RGS7: variants seen among roughly 807,000 people sequenced by gnomAD.
RGS7 encodes regulator of G-protein signaling 7.
Under a neutral mutation model 81.1 loss-of-function variants are expected in RGS7, and 27 were observed. That is an observed-to-expected ratio of 0.33 (90% CI 0.25 to 0.46). The LOEUF is 0.46. Ranked by LOEUF, RGS7 falls within the 20% of genes least tolerant of loss-of-function variation. The pLI is 1.00. For missense variants in RGS7, 396 were observed against 607.4 expected (o/e 0.65, Z 3.66); for synonymous variants, 208 against 207.7 (o/e 1.00, Z -0.01).
intron 6 of RGS7, among the ~76,000 whole-genome samples, chr1:240,924,903 GA>G (rs979216988): frequency 2.8e-4 from 43 of 152,118 alleles, no homozygotes; most frequent in Admixed American, 1.1e-3. Flanking sequence ...TGCAGTATTT[GA>G]AAAAAATAAA....
At position 240,999,527 on chromosome 1, in the gene RGS7, A is replaced by G. The variant is rs552380525; in HGVS notation, c.176-16398T>C. Reference sequence around the variant, plus strand: ...CTAATCTATTAACTCTGTCATCTCAATCTTGACCACTATTGATATATATAT... The same window carrying G: ...CTAATCTATTAACTCTGTCATCTCAGTCTTGACCACTATTGATATATATAT... On this transcript the variant is annotated intron_variant, in intron 3 of 18. Coordinates refer to ENST00000440928, the MANE Select transcript of RGS7 (RefSeq NM_001364886.1). Among the ~76,000 whole-genome samples, 36 of 152,236 alleles carry G rather than the reference A, an allele frequency of 2.4e-4. 1 individual carries two copies. The South Asian group carries it at 5.6e-3, about 24-fold the overall frequency.
chr1:241,317,857 C>T (rs1280206682), intron 2 of RGS7, among the ~76,000 whole-genome samples: 1 of 152,228 alleles, frequency 6.6e-6, no homozygotes, highest in Non-Finnish European at 1.5e-5. Flanking sequence ...ATATCATCAT[C>T]TCCTTTGCCA....
chr1:240,911,670 A>G (rs1671770478), intron 6 of RGS7, among the ~76,000 whole-genome samples: 1 of 152,206 alleles, frequency 6.6e-6, no homozygotes, highest in Non-Finnish European at 1.5e-5. Context: ...ATCCAACTGA[A>G]AAACACTCAT....
chr1:241,311,109 C>A (rs2080500510), intron 2 of RGS7, among the ~76,000 whole-genome samples: 1 of 152,144 alleles, frequency 6.6e-6, no homozygotes, highest in Non-Finnish European at 1.5e-5. Context: ...TGAGATAAAA[C>A]TGAAACTATA....
chr1:240,789,853 G>A (rs1470454271), intron 18 of RGS7, among the ~76,000 whole-genome samples: 1 of 152,150 alleles, frequency 6.6e-6, no homozygotes, highest in Admixed American at 6.5e-5. Context: ...TGTGAAGCAT[G>A]TGATCTCTGT....
intron 10 of RGS7, among the ~76,000 whole-genome samples, chr1:240,819,576 T>C (rs1057502723): frequency 6.6e-6 from 1 of 151,936 alleles, no homozygotes; most frequent in African/African-American, 2.4e-5. Context: ...CCATCTCTAC[T>C]GAAAATACAA....
chr1:240,951,546 G>GAATC (rs1679560701), intron 4 of RGS7, among the ~76,000 whole-genome samples: 1 of 152,072 alleles, frequency 6.6e-6, no homozygotes, highest in Admixed American at 6.6e-5. Flanking sequence ...TCTAAGGAAA[G>GAATC]AATCAGTGAG....
At chr1:241,245,495 A>G (rs78030536) in intron 2 of RGS7, among the ~76,000 whole-genome samples, 2 of 151,408 alleles carry the variant, frequency 1.3e-5, no homozygotes, top group Non-Finnish European at 2.9e-5. Context: ...TTCCTTATAA[A>G]AAAAAAAAAA....
chr1:241,034,510 C>T (rs1382957930), intron 3 of RGS7, among the ~76,000 whole-genome samples: 2 of 152,158 alleles, frequency 1.3e-5, no homozygotes, highest in African/African-American at 2.4e-5. Context: ...GTTCCTGTAC[C>T]TGTAAATAAA....
chr1:241,316,655 G>A (rs2080896928), intron 2 of RGS7, among the ~76,000 whole-genome samples: 1 of 152,088 alleles, frequency 6.6e-6, no homozygotes, highest in African/African-American at 2.4e-5. Context: ...GGTGAAGACG[G>A]TTTACTAGTA....
chr1:240,812,060 A>G lies in RGS7; in HGVS notation c.957-17T>C. 6.2e-7 allele frequency: 1 copy of G among 1,614,108 alleles called. No homozygotes were observed. The highest frequency in any genetic ancestry group is 8.5e-7 in the Non-Finnish European group (1 of 1,179,986). Reference sequence around the variant, plus strand: ...GGTTCTTTGCTATAGAAGATAAAACAAAGGCAAATACATTCCTTTCATTAG... The same window carrying G: ...GGTTCTTTGCTATAGAAGATAAAACGAAGGCAAATACATTCCTTTCATTAG... On this transcript the variant is annotated splice_polypyrimidine_tract_variant and intron_variant, in intron 13 of 18. Transcript: ENST00000440928.
At chr1:240,878,422 G>T (rs908822603) in intron 6 of RGS7, among the ~76,000 whole-genome samples, 6 of 151,554 alleles carry the variant, frequency 4.0e-5, no homozygotes, top group African/African-American at 1.5e-4. Flanking sequence ...TAGTTGGGGA[G>T]TGAAAACATT....
At chr1:241,096,022 C>T (rs1035864980) in intron 3 of RGS7, among the ~76,000 whole-genome samples, 2 of 152,188 alleles carry the variant, frequency 1.3e-5, no homozygotes, top group Admixed American at 6.5e-5. Context: ...TCCTTCCTTC[C>T]GTGTGGAACA....
chr1:241,297,527 T>C (rs1436319988), intron 2 of RGS7, among the ~76,000 whole-genome samples: 1 of 152,160 alleles, frequency 6.6e-6, no homozygotes, highest in Non-Finnish European at 1.5e-5. Context: ...CAAATTTCAT[T>C]TCAGAAAGTT....
At chr1:241,022,337 T>C (rs1477172041) in intron 3 of RGS7, among the ~76,000 whole-genome samples, 2 of 152,186 alleles carry the variant, frequency 1.3e-5, no homozygotes, top group East Asian at 3.9e-4. Flanking sequence ...GAGTTTAACT[T>C]TGAAACATAA....
chr1:241,247,089 C>T (rs1209309814), intron 2 of RGS7, among the ~76,000 whole-genome samples: 1 of 152,004 alleles, frequency 6.6e-6, no homozygotes, highest in South Asian at 2.1e-4. Context: ...GGAATATGTT[C>T]TCATTTTATC....
chr1:240,916,493 C>G (rs1572746951), intron 6 of RGS7, among the ~76,000 whole-genome samples: 1 of 152,202 alleles, frequency 6.6e-6, no homozygotes, highest in Non-Finnish European at 1.5e-5. Context: ...CTCCTGTTCC[C>G]CCAGCCTCAA....
At chr1:240,890,463 T>C (rs959686244) in intron 6 of RGS7, among the ~76,000 whole-genome samples, 5 of 152,150 alleles carry the variant, frequency 3.3e-5, no homozygotes, top group Non-Finnish European at 7.3e-5. Context: ...GCCTCCTTTT[T>C]AGAAGAAGAT....
rs1048612662 is a variant in RGS7, at chr1:240,812,176, C to A, written c.957-133G>T. Reference sequence around the variant, plus strand: ...ACCTTTTCTTTAAAAATATATATATCCGATTAACGGCTCTGCATGAAATCA... The same window carrying A: ...ACCTTTTCTTTAAAAATATATATATACGATTAACGGCTCTGCATGAAATCA... On this transcript the variant is annotated intron_variant, in intron 13 of 18. Transcript: ENST00000440928. 6 of 863,880 alleles carry A rather than the reference C, an allele frequency of 6.9e-6. No homozygotes were observed. In the African/African-American group the frequency reaches 8.5e-5, roughly 12 times the overall value. 53.5% of individuals were successfully genotyped at this position (863,880 alleles called of 1,614,324 possible). A position where few individuals can be genotyped will look rare whatever the true frequency, so the allele number is the denominator to read the frequency against.
Sources: gnomAD v4.1 joint callset for allele counts (sites outside exome capture counted in the v4.1 genomes callset) on GRCh38, gnomAD v4.1.1 for gene constraint, MANE v1.5 for transcripts, NCBI Gene and HGNC (gene_info 2026-07-23, HGNC 2026-07-21) for gene names.